The following MAD1L1 variants were observed in gnomAD, a reference collection of about 807,000 sequenced individuals.
MAD1L1 encodes mitotic spindle assembly checkpoint protein MAD1.
In MAD1L1, 95 loss-of-function variants were observed where a neutral mutation model predicts 96.9. The ratio of observed to expected loss-of-function variants is 0.98; its 90% CI spans 0.83 to 1.16. MAD1L1 has a LOEUF of 1.16. Among genes scored for constraint, MAD1L1 ranks in the 50% most tolerant of loss-of-function variants. MAD1L1 has a pLI of 0.00. For synonymous variants in MAD1L1, 473 were observed against 396.6 expected (o/e 1.19, Z -2.29); for missense variants, 1,007 against 954.4 (o/e 1.06, Z -0.73).
intron 17 of MAD1L1, among the ~76,000 whole-genome samples, chr7:1,914,104 G>T (rs1169157145): frequency 6.6e-6 from 1 of 152,180 alleles, no homozygotes. Flanking sequence ...CCACAATGGG[G>T]GACATACTCT....
intron 11 of MAD1L1, among the ~76,000 whole-genome samples, chr7:2,123,460 T>C (rs1788077019): frequency 6.6e-6 from 1 of 152,160 alleles, no homozygotes; most frequent in African/African-American, 2.4e-5. Context: ...GCCCTGGTCC[T>C]GTGTGTGAGG....
intron 14 of MAD1L1, among the ~76,000 whole-genome samples, chr7:1,997,280 G>A (rs969224424): frequency 6.6e-6 from 1 of 152,222 alleles, no homozygotes; most frequent in South Asian, 2.1e-4. Context: ...CTGGGAGACG[G>A]GACGGGCACT....
intron 18 of MAD1L1, among the ~76,000 whole-genome samples, chr7:1,851,743 C>G (rs1264579638): frequency 6.6e-6 from 1 of 152,142 alleles, no homozygotes; most frequent in Admixed American, 6.5e-5. Flanking sequence ...GGAACAGGCA[C>G]TTACAGTGTC....
chr7:2,145,803 C>A (rs1789268883), intron 11 of MAD1L1, among the ~76,000 whole-genome samples: 1 of 152,204 alleles, frequency 6.6e-6, no homozygotes, highest in South Asian at 2.1e-4. Context: ...ACTGCAGTAA[C>A]TATGGAGAGA....
At chr7:2,131,492 T>G (rs1261257785) in intron 11 of MAD1L1, among the ~76,000 whole-genome samples, 1 of 152,166 alleles carries the variant, frequency 6.6e-6, no homozygotes, top group Non-Finnish European at 1.5e-5. Flanking sequence ...GGAAAAGGAA[T>G]TTAACCAATT....
At chr7:1,958,163 C>T (rs1020676666) in intron 15 of MAD1L1, among the ~76,000 whole-genome samples, 1 of 152,112 alleles carries the variant, frequency 6.6e-6, no homozygotes, top group Non-Finnish European at 1.5e-5. Flanking sequence ...ACTTCTACTG[C>T]GGGGTGTGGA....
Position 2,217,944 on chromosome 7 carries a change from T to C in MAD1L1, c.678+18A>G, listed in dbSNP as rs773401408. 3 of 1,605,852 alleles carry C rather than the reference T, an allele frequency of 1.9e-6. No individual in the cohort carries two copies. Among genetic ancestry groups the C allele is most frequent in the Non-Finnish European group, 2.6e-6 (3 of 1,172,492 alleles). The stretch of plus-strand genomic sequence containing the variant: ...CACCACAGGGATGTCCACAAGGCAC[T>C]GACAGGGAGTGACTCACCTTAATCT... On this transcript the variant is annotated intron_variant, in intron 7 of 18. Transcript: ENST00000265854.
chr7:2,047,994 C>T (rs1784005409), intron 12 of MAD1L1, among the ~76,000 whole-genome samples: 1 of 152,088 alleles, frequency 6.6e-6, no homozygotes, highest in Non-Finnish European at 1.5e-5. Flanking sequence ...ACAGAACTCA[C>T]ACAGCACAAC....
Position 1,936,843 on chromosome 7 carries a change from T to G in MAD1L1, c.1651A>C (p.Ser551Arg). ...TCGCGCAGGCGCTGCCTGGCCACAC[T>G]GGTGGGGTTCAGGCTCATGTGCAGC... ...KVLHMSLNPT[S>R]VARQRLREDH... The change falls in exon 17 of 19, where the codon AGT becomes CGT. Residue 551 changes from serine to arginine, a missense_variant. Ser to Arg is a moderately radical substitution (Grantham distance 110, BLOSUM62 -1). Coordinates refer to ENST00000265854, the MANE Select transcript of MAD1L1 (RefSeq NM_001013836.2). 6.2e-7 allele frequency: 1 copy of G among 1,607,002 alleles called. No individual in the cohort carries two copies. The highest frequency in any genetic ancestry group is 1.1e-5 in the South Asian group (1 of 89,476).
rs753498426 is a variant in MAD1L1, at chr7:1,898,182, G to A, written c.1998+18C>T. 5.5e-5 allele frequency: 88 copies of A among 1,589,244 alleles called. 1 individual carries two copies. Among genetic ancestry groups the A allele is most frequent in the South Asian group, 5.2e-4 (46 of 88,208 alleles). ...CAGAGAGCGAGACAGCCGGAGAGCC[G>A]TCACACGCAGGACCCACCTTGAAGA... On this transcript the variant is annotated intron_variant, in intron 18 of 18. Transcript: ENST00000265854.
At chr7:1,887,411 A>ATG (rs10678802) in intron 18 of MAD1L1, among the ~76,000 whole-genome samples, 93,814 of 146,576 alleles carry the variant, frequency 0.64, 29,725 homozygotes, top group African/African-American at 0.75. Flanking sequence ...CTGCCTGTGC[A>ATG]TGTGTGTGTG....
intron 17 of MAD1L1, among the ~76,000 whole-genome samples, chr7:1,922,974 C>T (rs561162748): frequency 2.2e-4 from 34 of 152,214 alleles, no homozygotes; most frequent in Non-Finnish European, 3.2e-4. Context: ...AATAGCCCCG[C>T]AGTGTTCTTC....
chr7:2,082,910 A>G (rs529397477), intron 11 of MAD1L1, among the ~76,000 whole-genome samples: 61 of 152,342 alleles, frequency 4.0e-4, no homozygotes, highest in African/African-American at 1.4e-3. Context: ...TGATTTTGCC[A>G]TCCTTGACCC....
At chr7:2,110,630 T>C (rs1014069591) in intron 11 of MAD1L1, among the ~76,000 whole-genome samples, 1 of 152,124 alleles carries the variant, frequency 6.6e-6, no homozygotes, top group African/African-American at 2.4e-5. Context: ...TCATTTTGGG[T>C]CTCAAGTGTC....
rs1236009257 is a variant in MAD1L1 at position 1,887,600 on chromosome 7, C to T, written c.1998+10600G>A. Among the ~76,000 whole-genome samples, 46 of 122,104 alleles carry T rather than the reference C, an allele frequency of 3.8e-4. 1 individual carries two copies. The South Asian group carries it at 4.8e-3, about 13-fold the overall frequency. The allele number at this position is 122,104 out of a possible 152,430, so 80.1% of individuals were successfully genotyped here. A position where few individuals can be genotyped will look rare whatever the true frequency, so the allele number is the denominator to read the frequency against. ...CTGCCTGTGTGTGTGACCATGCATG[C>T]GTGTATGTGGCTGCCTGTGCATGGG... On this transcript the variant is annotated intron_variant, in intron 18 of 18. Coordinates refer to ENST00000265854, the MANE Select transcript of MAD1L1 (RefSeq NM_001013836.2).
At chr7:1,925,615 A>G (rs952903000) in intron 17 of MAD1L1, among the ~76,000 whole-genome samples, 2 of 152,238 alleles carry the variant, frequency 1.3e-5, no homozygotes, top group African/African-American at 4.8e-5. Context: ...AACGCCTCCC[A>G]GGAGGCCCCA....
chr7:2,027,279 G>A (rs538868565), intron 12 of MAD1L1, among the ~76,000 whole-genome samples: 188 of 152,264 alleles, frequency 1.2e-3, no homozygotes, highest in African/African-American at 3.8e-3. Flanking sequence ...TCCACCAAGC[G>A]GTTAAAGAAG....
At chr7:2,091,665 A>C (rs920439620) in intron 11 of MAD1L1, among the ~76,000 whole-genome samples, 1 of 151,588 alleles carries the variant, frequency 6.6e-6, no homozygotes, top group Non-Finnish European at 1.5e-5. Context: ...AGTCCCAGCT[A>C]CTCTGGAGGC....
chr7:2,039,015 C>T (rs559876965), intron 12 of MAD1L1, among the ~76,000 whole-genome samples: 2 of 152,180 alleles, frequency 1.3e-5, no homozygotes, highest in East Asian at 1.9e-4. Context: ...TCGGGTTGTC[C>T]GTTCACAGCC....
Sources: gnomAD v4.1 joint callset for allele counts (sites outside exome capture counted in the v4.1 genomes callset) on GRCh38, gnomAD v4.1.1 for gene constraint, MANE v1.5 for transcripts, NCBI Gene and HGNC (gene_info 2026-07-23, HGNC 2026-07-21) for gene names.